Variants in OLA1 observed in about 807,000 individuals in gnomAD.
OLA1 encodes Obg like ATPase 1, also known as obg-like ATPase 1.
In OLA1, 14 loss-of-function variants were observed where a neutral mutation model predicts 48.4. The observed-to-expected ratio is 0.29, with a 90% CI of 0.19 to 0.45. The LOEUF (loss-of-function observed/expected upper bound fraction) is 0.45. Ranked by LOEUF, OLA1 falls within the 20% of genes least tolerant of loss-of-function variation. OLA1 has a pLI of 1.00. For missense variants in OLA1, 325 were observed against 467.1 expected, an observed-to-expected ratio of 0.70 and a Z score of 2.80; for synonymous variants, 127 against 150.4, an observed-to-expected ratio of 0.84 and a Z score of 1.14.
At chr2:174,247,476 T>C (rs1689151988) in intron 1 of OLA1, among the ~76,000 whole-genome samples, 1 of 152,264 alleles carries the variant, frequency 6.6e-6, no homozygotes, top group Non-Finnish European at 1.5e-5. Flanking sequence ...AAACACTTTA[T>C]ATCTTAACCT....
chr2:174,112,758 T>C (rs1574488066), intron 7 of OLA1, among the ~76,000 whole-genome samples: 1 of 152,320 alleles, frequency 6.6e-6, no homozygotes, highest in Admixed American at 6.5e-5. Context: ...CCTCAGAAGA[T>C]GCCAGTGACA....
chr2:174,208,272 T>C (rs976798398), intron 4 of OLA1, among the ~76,000 whole-genome samples: 2 of 152,178 alleles, frequency 1.3e-5, no homozygotes, highest in Non-Finnish European at 2.9e-5. Flanking sequence ...TCAGAATCGC[T>C]TAAAAATAGT....
chr2:174,092,559 G>C (rs1378691810), intron 7 of OLA1, among the ~76,000 whole-genome samples: 2 of 152,094 alleles, frequency 1.3e-5, no homozygotes, highest in Non-Finnish European at 2.9e-5. Flanking sequence ...CTACTAGGGA[G>C]GCTGAGGTGG....
chr2:174,215,831 A>T (rs145850737), intron 4 of OLA1, among the ~76,000 whole-genome samples: 1 of 152,316 alleles, frequency 6.6e-6, no homozygotes, highest in African/African-American at 2.4e-5. Flanking sequence ...TCCGGTTGCT[A>T]TTGGGATAAG....
chr2:174,228,256 T>C (rs1467121494), intron 3 of OLA1, among the ~76,000 whole-genome samples: 1 of 152,176 alleles, frequency 6.6e-6, no homozygotes, highest in East Asian at 1.9e-4. Flanking sequence ...AAACAAATTA[T>C]ATTATCAATA....
chr2:174,130,734 G>A (rs967469186), intron 5 of OLA1, among the ~76,000 whole-genome samples: 1 of 152,064 alleles, frequency 6.6e-6, no homozygotes, highest in African/African-American at 2.4e-5. Context: ...GGAAAGTAGA[G>A]TCATAGAAAA....
intron 4 of OLA1, among the ~76,000 whole-genome samples, chr2:174,190,260 T>C (rs1687745977): frequency 6.6e-6 from 1 of 152,224 alleles, no homozygotes; most frequent in Admixed American, 6.5e-5. Flanking sequence ...TGTTTTACTT[T>C]TGTGCCACAT....
At chr2:174,119,950 C>A (rs1396403009) in intron 7 of OLA1, among the ~76,000 whole-genome samples, 1 of 115,976 alleles carries the variant, frequency 8.6e-6, no homozygotes, top group Non-Finnish European at 1.9e-5. Context: ...AACACACACA[C>A]ACACAAACAC....
intron 7 of OLA1, among the ~76,000 whole-genome samples, chr2:174,101,036 A>G (rs1318612449): frequency 2.6e-5 from 4 of 152,224 alleles, no homozygotes; most frequent in Non-Finnish European, 4.4e-5. Context: ...TTTTGAGTAA[A>G]TACTGAAAGT....
At chr2:174,195,818 AAC>A (rs1442371256) in intron 4 of OLA1, among the ~76,000 whole-genome samples, 1 of 152,182 alleles carries the variant, frequency 6.6e-6, no homozygotes, top group African/African-American at 2.4e-5. Context: ...ATTATTAAAT[AAC>A]AGTGACATTC....
chr2:174,247,630 T>G (rs1245089939), intron 1 of OLA1: 2 of 1,549,942 alleles, frequency 1.3e-6, no homozygotes, highest in South Asian at 2.4e-5. Context: ...TCTTTCCCAT[T>G]CGCCCACAAC....
At chr2:174,147,361 AGG>A (rs889989729) in intron 4 of OLA1, among the ~76,000 whole-genome samples, 1 of 135,932 alleles carries the variant, frequency 7.4e-6, no homozygotes, top group Non-Finnish European at 1.7e-5. Context: ...CGGGAGGCAG[AGG>A]TTGCGGTGAG....
At chr2:174,248,000 C>A in intron 1 of OLA1, 1 of 487,524 alleles carries the variant, frequency 2.1e-6, no homozygotes, top group Non-Finnish European at 3.6e-6. Context: ...GGGGCCCTGC[C>A]CTTGCAGTAG....
At position 174,075,401 on chromosome 2, in the gene OLA1, T is replaced by G. The variant is rs778120859; in HGVS notation, c.*25A>C. On this transcript the variant is annotated 3_prime_UTR_variant, in exon 11 of 11. Transcript: ENST00000284719. ...AATCAGATGCCTTTTGGAAGTTGTA[T>G]GTTTATCTGAGCAATAACTAAATTT... 94 of 1,390,288 alleles carry G rather than the reference T, an allele frequency of 6.8e-5. 1 individual carries two copies. Among genetic ancestry groups the G allele is most frequent in the Non-Finnish European group, 9.2e-5 (90 of 983,162 alleles). 86.1% of individuals were successfully genotyped at this position (1,390,288 alleles called of 1,614,324 possible). A position where few individuals can be genotyped will look rare whatever the true frequency, so the allele number is the denominator to read the frequency against.
At chr2:174,144,930 TAAAAAAAAAA>T (rs71021671) in intron 4 of OLA1, among the ~76,000 whole-genome samples, 30 of 41,092 alleles carry the variant, frequency 7.3e-4, no homozygotes, top group East Asian at 2.8e-3. Context: ...AGACCCTGTT[TAAAAAAAAAA>T]AAAAAAAAAA....
At chr2:174,183,920 GA>G (rs1349195180) in intron 4 of OLA1, among the ~76,000 whole-genome samples, 1 of 152,100 alleles carries the variant, frequency 6.6e-6, no homozygotes, top group African/African-American at 2.4e-5. Context: ...ATGACCAATA[GA>G]AAAACTGGGG....
intron 4 of OLA1, among the ~76,000 whole-genome samples, chr2:174,173,374 A>G (rs1256775143): frequency 3.9e-5 from 6 of 152,230 alleles, no homozygotes; most frequent in African/African-American, 7.2e-5. Flanking sequence ...TTCATTACCT[A>G]TACGGCGTGA....
intron 4 of OLA1, among the ~76,000 whole-genome samples, chr2:174,148,900 C>G (rs926619534): frequency 6.6e-6 from 1 of 152,196 alleles, no homozygotes; most frequent in African/African-American, 2.4e-5. Flanking sequence ...CAATCTATTA[C>G]ACCTCTCTCC....
chr2:174,229,634 G>A (rs1428902406), intron 2 of OLA1, among the ~76,000 whole-genome samples, 183 bp from the exon 3 acceptor site: 3 of 152,144 alleles, frequency 2.0e-5, no homozygotes, highest in Middle Eastern at 3.2e-3. Flanking sequence ...ACAGTAAAGC[G>A]GCAGCTCATG....
Sources: gnomAD v4.1 joint callset for allele counts (sites outside exome capture counted in the v4.1 genomes callset) on GRCh38, gnomAD v4.1.1 for gene constraint, MANE v1.5 for transcripts, NCBI Gene and HGNC (gene_info 2026-07-23, HGNC 2026-07-21) for gene names.